Variants in BMERB1 observed in about 807,000 individuals in gnomAD.
BMERB1 encodes the protein bMERB domain-containing protein 1.
Under a neutral mutation model 23.6 loss-of-function variants are expected in BMERB1, and 12 were observed. That is an observed-to-expected ratio of 0.51 (90% CI 0.33 to 0.82). The LOEUF (loss-of-function observed/expected upper bound fraction) is 0.82, where lower values mean the gene tolerates loss of function less well. Ranked by LOEUF, BMERB1 falls within the 40% of genes least tolerant of loss-of-function variation. The pLI, the probability that BMERB1 is intolerant of heterozygous loss-of-function variation, is 0.03. For synonymous variants in BMERB1, 122 were observed against 96.6 expected (o/e 1.26, Z -1.54); for missense variants, 247 against 255.4 (o/e 0.97, Z 0.22).
intron 5 of BMERB1, chr16:15,583,920 T>A: frequency 1.5e-6 from 1 of 684,078 alleles, no homozygotes; most frequent in South Asian, 1.5e-5. Context: ...GTCCTGGTAG[T>A]TGTTCCTCCC....
rs370851979 is a variant in BMERB1, at chr16:15,581,342, T to C, written c.419+11T>C. Reference sequence around the variant, plus strand: ...GGTCGAGCGGTTAAGGTGAGTGCACTGCGGGTACCCGATCACTGGGCTGCA... The same window carrying C: ...GGTCGAGCGGTTAAGGTGAGTGCACCGCGGGTACCCGATCACTGGGCTGCA... On this transcript the variant is annotated intron_variant, in intron 4 of 5. Transcript: ENST00000300006. 5 of 1,607,056 alleles carry C rather than the reference T, an allele frequency of 3.1e-6. No individual in the cohort carries two copies. In the African/African-American group the frequency reaches 6.7e-5, roughly 21 times the overall value.
chr16:15,583,556 T>G (rs2031068462), intron 5 of BMERB1, among the ~76,000 whole-genome samples: 1 of 128,772 alleles, frequency 7.8e-6, no homozygotes, highest in African/African-American at 3.1e-5. Flanking sequence ...CCAGCCTGGG[T>G]GACAGGGTAA....
chr16:15,498,009 A>C (rs559354346), intron 1 of BMERB1, among the ~76,000 whole-genome samples: 3 of 152,130 alleles, frequency 2.0e-5, no homozygotes, highest in African/African-American at 7.2e-5. Context: ...GAATCCCCTC[A>C]CTTAACCTCC....
intron 1 of BMERB1, among the ~76,000 whole-genome samples, chr16:15,506,373 C>T (rs2051591693): frequency 6.6e-6 from 1 of 152,038 alleles, no homozygotes; most frequent in African/African-American, 2.4e-5. Context: ...GACAGGGTTT[C>T]ACCGTGTTAG....
chr16:15,539,697 G>T (rs1215481821), intron 2 of BMERB1, among the ~76,000 whole-genome samples: 1 of 151,986 alleles, frequency 6.6e-6, no homozygotes, highest in Non-Finnish European at 1.5e-5. Context: ...ACAAAAATTA[G>T]CTGGGCGTGG....
In BMERB1 at chr16:15,434,682, A is replaced by G; in HGVS notation, c.29A>G (p.His10Arg). Residue 10 changes from histidine to arginine, a missense_variant, in exon 1 of 6, where the codon CAT (histidine) becomes CGT (arginine). By Grantham distance (29) the His-to-Arg change is conservative. Coordinates refer to ENST00000300006, the MANE Select transcript of BMERB1 (RefSeq NM_033201.3). ...GAATTAAAGCAATCTTTGTCCACCC[A>G]TCTGGAAGCCGAGAAGCCTCTGAGG... Reference protein sequence around the residue: MELKQSLSTHLEAEKPLRRY... With the variant: MELKQSLSTRLEAEKPLRRY... The G allele has an allele frequency of 6.2e-7, 1 of 1,612,628 alleles. No homozygotes were observed. Among genetic ancestry groups the G allele is most frequent in the Non-Finnish European group, 8.5e-7 (1 of 1,179,274 alleles).
chr16:15,438,568 T>C (rs2050908951), intron 1 of BMERB1, among the ~76,000 whole-genome samples: 1 of 151,186 alleles, frequency 6.6e-6, no homozygotes, highest in South Asian at 2.1e-4. Context: ...CAAGCAATTC[T>C]CCCGCCTCAG....
chr16:15,455,314 ACT>A (rs1051339825), intron 1 of BMERB1, among the ~76,000 whole-genome samples: 6 of 126,894 alleles, frequency 4.7e-5, no homozygotes, highest in Non-Finnish European at 8.2e-5. Context: ...ACAAATGGAG[ACT>A]CTGTCTCAAA....
intron 2 of BMERB1, among the ~76,000 whole-genome samples, chr16:15,559,074 C>G (rs1396979271): frequency 6.6e-6 from 1 of 152,184 alleles, no homozygotes; most frequent in South Asian, 2.1e-4. Context: ...ACTAAACCCT[C>G]CACTGGCTTC....
intron 2 of BMERB1, chr16:15,532,877 G>A (rs1393866474): frequency 1.0e-5 from 4 of 401,794 alleles, no homozygotes; most frequent in Non-Finnish European, 2.0e-5. Flanking sequence ...AGATATCCTG[G>A]TCTTGGATGG....
At chr16:15,468,356 G>T (rs1282256323) in intron 1 of BMERB1, among the ~76,000 whole-genome samples, 1 of 151,816 alleles carries the variant, frequency 6.6e-6, no homozygotes, top group African/African-American at 2.4e-5. Flanking sequence ...GTGTTGGACA[G>T]ACTGGTCTCA....
chr16:15,515,463 T>C (rs1449785758), intron 2 of BMERB1, 35 bp downstream of exon 2: 1 of 1,604,868 alleles, frequency 6.2e-7, no homozygotes, highest in Non-Finnish European at 8.5e-7. Context: ...AGGAAAGAAG[T>C]GTGTGGAGGA....
chr16:15,491,390 G>T (rs1567467070), intron 1 of BMERB1, among the ~76,000 whole-genome samples: 1 of 148,792 alleles, frequency 6.7e-6, no homozygotes, highest in Non-Finnish European at 1.5e-5. Context: ...TTTCCCTCTT[G>T]TTGCCCAGTC....
chr16:15,537,048 G>C (rs991053541), intron 2 of BMERB1: 1 of 152,180 alleles, frequency 6.6e-6, no homozygotes, highest in Non-Finnish European at 1.5e-5. Context: ...ATGTGTGTTT[G>C]TGGTCTCCCG....
chr16:15,554,663 C>CTTTT (rs55937169), intron 2 of BMERB1, among the ~76,000 whole-genome samples: 1 of 144,556 alleles, frequency 6.9e-6, no homozygotes, highest in Non-Finnish European at 1.5e-5. Flanking sequence ...ACCAAGTATT[C>CTTTT]TTTTTTTTTT....
chr16:15,519,087 A>ACG (rs1555510670), intron 2 of BMERB1, among the ~76,000 whole-genome samples: 5 of 146,772 alleles, frequency 3.4e-5, no homozygotes, highest in African/African-American at 1.1e-4. Flanking sequence ...ACACACACAC[A>ACG]CACACACACA....
chr16:15,554,162 C>G (rs774678959), intron 2 of BMERB1, among the ~76,000 whole-genome samples: 2 of 152,232 alleles, frequency 1.3e-5, no homozygotes, highest in African/African-American at 2.4e-5. Context: ...CAGCCTTCTC[C>G]CAGACTATCC....
At chr16:15,575,647 A>G (rs1184423317) in intron 3 of BMERB1, among the ~76,000 whole-genome samples, 2 of 152,150 alleles carry the variant, frequency 1.3e-5, no homozygotes, top group Non-Finnish European at 2.9e-5. Flanking sequence ...TGAAAATGAA[A>G]GTACACTCCA....
At chr16:15,565,561 C>T (rs546288682) in intron 2 of BMERB1, among the ~76,000 whole-genome samples, 3 of 152,296 alleles carry the variant, frequency 2.0e-5, no homozygotes, top group Admixed American at 6.5e-5. Flanking sequence ...TCAATAAAGA[C>T]GTGCAGGCCA....
Sources: allele counts gnomAD v4.1 joint callset (sites outside exome capture counted in the v4.1 genomes callset), GRCh38; gene constraint gnomAD v4.1.1; transcripts MANE v1.5; gene names NCBI Gene and HGNC (gene_info 2026-07-23, HGNC 2026-07-21).